SNURF: variants seen among roughly 807,000 people sequenced by gnomAD.
The protein encoded by SNURF is SNRPN upstream open reading frame.
In SNURF, 6 loss-of-function variants were observed where a neutral mutation model predicts 11.6. That is an observed-to-expected ratio of 0.52 (90% CI 0.28 to 1.02). The LOEUF is 1.02. Ranked by LOEUF, SNURF falls within the 50% of genes least tolerant of loss-of-function variation. The probability of loss-of-function intolerance (pLI) is 0.09; values close to 1 mark genes in which losing one functional copy is unlikely to be tolerated. For synonymous variants in SNURF, 29 were observed against 31.6 expected (o/e 0.92, Z 0.27); for missense variants, 84 against 88.4 (o/e 0.95, Z 0.20).
At chr15:24,967,828 A>T (rs940138223) in intron 2 of SNURF, 104 bp from the exon 3 acceptor site, 46 of 819,830 alleles carry the variant, frequency 5.6e-5, no homozygotes, top group Non-Finnish European at 8.0e-5. Flanking sequence ...AAAAAAAAAA[A>T]GGAATATCTT....
chr15:24,972,255 CAAA>C (rs5811371), downstream of SNURF, among the ~76,000 whole-genome samples: 3 of 108,204 alleles, frequency 2.8e-5, no homozygotes, highest in Non-Finnish European at 3.8e-5. Flanking sequence ...GACTCTGTCT[CAAA>C]AAAAAAAAAA....
chr15:24,974,972 G>C (rs767305319), intron 3 of SNURF: 184 of 702,822 alleles, frequency 2.6e-4, no homozygotes, highest in Non-Finnish European at 1.5e-4. Context: ...GATTACAATA[G>C]AAATAAAGAG....
At position 24,974,484 on chromosome 15, in the gene SNURF, G is replaced by T; in HGVS notation, c.*46-874G>T. 3 of 1,610,978 alleles carry T rather than the reference G, an allele frequency of 1.9e-6. No individual in the cohort carries two copies. In the South Asian group the frequency reaches 3.3e-5, roughly 18 times the overall value. ...AAGCTGTATGATAAGGCTGAGGGTT[G>T]AAATGTGCTGTAAGGGCCGAAAGAA... On this transcript the variant is annotated intron_variant and NMD_transcript_variant, in intron 3 of 6. Coordinates refer to the SNURF transcript ENST00000580062.
chr15:24,971,404 A>G (rs538431703), downstream of SNURF, among the ~76,000 whole-genome samples: 2 of 152,306 alleles, frequency 1.3e-5, no homozygotes, highest in Non-Finnish European at 2.9e-5. Flanking sequence ...TATCACATTT[A>G]GGGATGAGAG....
At chr15:24,959,281 A>G (rs1402224501) in intron 1 of SNURF, among the ~76,000 whole-genome samples, 2 of 152,148 alleles carry the variant, frequency 1.3e-5, no homozygotes, top group Admixed American at 6.5e-5. Context: ...AACATTCAAT[A>G]AAGTAGTGTT....
downstream of SNURF, chr15:24,978,129 G>A: frequency 6.5e-7 from 1 of 1,533,250 alleles, no homozygotes; most frequent in Admixed American, 1.8e-5. Context: ...GGATTATTTG[G>A]GCTAAATTCT....
intron 2 of SNURF, among the ~76,000 whole-genome samples, chr15:24,963,619 A>G (rs988264671): frequency 3.4e-5 from 5 of 149,002 alleles, no homozygotes; most frequent in African/African-American, 1.2e-4. Context: ...CATCTCAGGA[A>G]AAAAAAAAAA....
intron 3 of SNURF, chr15:24,974,375 C>T (rs971150877): frequency 7.3e-7 from 1 of 1,377,952 alleles, no homozygotes; most frequent in Non-Finnish European, 1.0e-6. Flanking sequence ...TGCGTCATAC[C>T]TTTATCTATA....
intron 2 of SNURF, among the ~76,000 whole-genome samples, chr15:24,965,851 T>C (rs2075545453): frequency 6.6e-6 from 1 of 151,312 alleles, no homozygotes; most frequent in African/African-American, 2.5e-5. Flanking sequence ...TATCTTACGT[T>C]TCAAGATAAC....
intron 2 of SNURF, among the ~76,000 whole-genome samples, chr15:24,964,250 A>AAT (rs1395255355): frequency 1.8e-4 from 28 of 152,060 alleles, no homozygotes; most frequent in Non-Finnish European, 4.0e-4. Context: ...TGTGTAATAT[A>AAT]ATTTGTCCTT....
downstream of SNURF, among the ~76,000 whole-genome samples, chr15:24,972,519 G>A (rs1199828570): frequency 6.7e-6 from 1 of 149,736 alleles, no homozygotes. Flanking sequence ...GCCACTGAAT[G>A]ACAGCCAGGC....
At chr15:24,971,289 G>A (rs1408662588), downstream of SNURF, among the ~76,000 whole-genome samples, 2 of 152,052 alleles carry the variant, frequency 1.3e-5, no homozygotes, top group Non-Finnish European at 2.9e-5. Flanking sequence ...TGCTACTCTC[G>A]TCGCCTTTCT....
chr15:24,977,375 T>TA lies in SNURF; in HGVS notation c.*462+347dup, dbSNP rs1352648074. Among the ~76,000 whole-genome samples the TA allele has an allele frequency of 3.7e-4, 57 of 152,148 alleles. 1 individual carries two copies. Among genetic ancestry groups the TA allele is most frequent in the African/African-American group, 4.8e-5 (2 of 41,550 alleles). On this transcript the variant is annotated intron_variant and NMD_transcript_variant, in intron 6 of 6. Transcript: ENST00000580062. ...TGGGAATAGGCCGGGTGCAGTGGCT[T>TA]ACGCCTGTAATCCAGCACTTTGGGA...
At chr15:24,963,353 A>G (rs1363272510) in intron 2 of SNURF, among the ~76,000 whole-genome samples, 1 of 152,210 alleles carries the variant, frequency 6.6e-6, no homozygotes. Flanking sequence ...ATGGTGGCCC[A>G]TGCCTGTAAT....
At chr15:24,958,231 T>A (rs1437314488) in intron 1 of SNURF, among the ~76,000 whole-genome samples, 1 of 152,198 alleles carries the variant, frequency 6.6e-6, no homozygotes, top group Non-Finnish European at 1.5e-5. Flanking sequence ...TTATAAGGTG[T>A]CAAGGATGCC....
At chr15:24,955,174 C>A in intron 1 of SNURF, 112 bp downstream of exon 1, 1 of 1,415,670 alleles carries the variant, frequency 7.1e-7, no homozygotes, top group Non-Finnish European at 9.8e-7. Flanking sequence ...GGAATTTGGG[C>A]CCTAAAGTCC....
downstream of SNURF, among the ~76,000 whole-genome samples, chr15:24,972,636 C>A (rs978025032): frequency 6.8e-6 from 1 of 146,088 alleles, no homozygotes; most frequent in Non-Finnish European, 1.5e-5. Context: ...ACTTTTGAAT[C>A]CTTTTCAAAA....
chr15:24,961,002 T>C (rs1470921722), intron 1 of SNURF, among the ~76,000 whole-genome samples: 1 of 152,214 alleles, frequency 6.6e-6, no homozygotes, highest in Non-Finnish European at 1.5e-5. Flanking sequence ...ACTAGAAACT[T>C]AGCTGTATGT....
downstream of SNURF, chr15:24,978,130 G>T: frequency 6.5e-7 from 1 of 1,542,986 alleles, no homozygotes; most frequent in Non-Finnish European, 8.9e-7. Context: ...GATTATTTGG[G>T]CTAAATTCTA....
Sources: gnomAD v4.1 joint callset for allele counts (sites outside exome capture counted in the v4.1 genomes callset) on GRCh38, gnomAD v4.1.1 for gene constraint, MANE v1.5 for transcripts, NCBI Gene and HGNC (gene_info 2026-07-23, HGNC 2026-07-21) for gene names.